Variants in MGRN1 observed in about 807,000 individuals in gnomAD.
The protein encoded by MGRN1 is mahogunin ring finger 1.
MGRN1 carries 29 observed loss-of-function variants against 69.2 expected under a neutral mutation model. That is an observed-to-expected ratio of 0.42 (90% CI 0.31 to 0.57). The LOEUF is 0.57. Among genes scored for constraint, MGRN1 ranks in the 20% least tolerant of loss-of-function variants. The pLI is 0.15. For missense variants in MGRN1, 998 were observed against 796.2 expected, an observed-to-expected ratio of 1.25 and a Z score of -3.05; for synonymous variants, 470 against 344.2, an observed-to-expected ratio of 1.37 and a Z score of -4.04.
intron 7 of MGRN1, 110 bp from the exon 8 acceptor site, chr16:4,668,155 G>C: frequency 4.5e-6 from 3 of 662,752 alleles, no homozygotes; most frequent in Non-Finnish European, 7.5e-6. Flanking sequence ...TCTTTTTCCA[G>C]CTGTGGGCAT....
At chr16:4,685,241 GCTT>G (rs2079282308) in intron 16 of MGRN1, among the ~76,000 whole-genome samples, 1 of 152,264 alleles carries the variant, frequency 6.6e-6, no homozygotes, top group African/African-American at 2.4e-5. Context: ...AAGGACCTCA[GCTT>G]CTGGGAGCCA....
At chr16:4,660,561 G>T (rs915406494) in intron 5 of MGRN1, among the ~76,000 whole-genome samples, 1 of 152,236 alleles carries the variant, frequency 6.6e-6, no homozygotes, top group Non-Finnish European at 1.5e-5. Context: ...TGCTGGCTGC[G>T]CGGATGCATT....
chr16:4,673,254 C>T (rs2078981006), intron 9 of MGRN1, among the ~76,000 whole-genome samples: 1 of 152,114 alleles, frequency 6.6e-6, no homozygotes. Flanking sequence ...AGAAAGAGAC[C>T]ATGTTCTCAT....
chr16:4,668,312 T>C lies in MGRN1; in HGVS notation c.726T>C (p.Ile242=). ...FSVKPLKQKQ[I]VDRVSYLLQE... is the part of the protein sequence containing the mutation. Reference sequence around the variant, plus strand: ...TGAAGCCTTTAAAGCAGAAGCAAATTGTAAGTCATCAGAGGAAATATGACG... The same window carrying C: ...TGAAGCCTTTAAAGCAGAAGCAAATCGTAAGTCATCAGAGGAAATATGACG... Residue 242 remains isoleucine (I), a splice_region_variant and synonymous_variant, in exon 8 of 17, where the codon ATT becomes ATC. Coordinates refer to ENST00000262370, the MANE Select transcript of MGRN1 (RefSeq NM_015246.4). The C allele has an allele frequency of 6.2e-7, 1 of 1,613,858 alleles. No individual in the cohort carries two copies. Among genetic ancestry groups the C allele is most frequent in the South Asian group, 1.1e-5 (1 of 91,080 alleles).
chr16:4,628,057 G>A lies in MGRN1; in HGVS notation c.88+3009G>A, dbSNP rs1220764734. Among the ~76,000 whole-genome samples, 91 of 139,634 alleles carry A rather than the reference G, an allele frequency of 6.5e-4. 1 individual carries two copies. Among genetic ancestry groups the A allele is most frequent in the Non-Finnish European group, 1.1e-3 (73 of 65,170 alleles). The allele number at this position is 139,634 out of a possible 152,430, so 91.6% of individuals were successfully genotyped here. On this transcript the variant is annotated intron_variant, in intron 1 of 16. Coordinates refer to ENST00000262370, the MANE Select transcript of MGRN1 (RefSeq NM_015246.4). ...ACTGCGCCACTGCACTCCAGCCTAG[G>A]TGTCAGAGTGAGACTCCGTCTCAAA...
At position 4,627,637 on chromosome 16, in the gene MGRN1, AAT is replaced by A. The variant is rs1385654991; in HGVS notation, c.88+2590_88+2591del. 1.2e-3 allele frequency among the ~76,000 whole-genome samples: 181 copies of A among 150,820 alleles called. 5 individuals are homozygous for A. The highest frequency in any genetic ancestry group is 3.4e-3 in the African/African-American group (137 of 40,734). ...CCCGTCTCTACTAAAAATACAAAAAAATTTAGCCGGGCGTGATGGCAGGCGTC... is the reference window on the plus strand; with the variant it reads ...CCCGTCTCTACTAAAAATACAAAAAATTAGCCGGGCGTGATGGCAGGCGTC... On this transcript the variant is annotated intron_variant, in intron 1 of 16. Transcript: ENST00000262370.
rs1053939201 is a variant in MGRN1 at position 4,690,422 on chromosome 16, G to C, written c.*1514G>C. The stretch of plus-strand genomic sequence containing the variant: ...GCTCAGTACCCTCCCTGAGGCTCAC[G>C]GTGGCTCCGAGCATGAGGTCCGCCT... On this transcript the variant is annotated 3_prime_UTR_variant, in exon 17 of 17. Transcript: ENST00000262370. The C allele has an allele frequency of 6.6e-6, 1 of 152,084 alleles. No individual in the cohort carries two copies. Among genetic ancestry groups the C allele is most frequent in the Non-Finnish European group, 1.5e-5 (1 of 68,020 alleles). The allele number at this position is 152,084 out of a possible 1,614,324, so 9.4% of individuals were successfully genotyped here.
intron 1 of MGRN1, among the ~76,000 whole-genome samples, chr16:4,631,400 T>C (rs765537848): frequency 3.6e-4 from 55 of 152,244 alleles, no homozygotes; most frequent in Non-Finnish European, 5.9e-4. Flanking sequence ...TTCTGTTCCA[T>C]TGATTTATGT....
intron 2 of MGRN1, 42 bp from the exon 3 acceptor site, chr16:4,651,921 C>T (rs2078416587): frequency 6.3e-7 from 1 of 1,582,326 alleles, no homozygotes; most frequent in Non-Finnish European, 8.7e-7. Context: ...TTGTTGGCTG[C>T]TCCTGAGGGA....
chr16:4,636,252 C>T (rs1317408390), intron 1 of MGRN1, among the ~76,000 whole-genome samples: 3 of 152,020 alleles, frequency 2.0e-5, no homozygotes, highest in Non-Finnish European at 4.4e-5. Context: ...CCCCTTCTTC[C>T]CTGGGAACCA....
At chr16:4,674,783 GGCGCCCGCCACC>G (rs2079020263) in intron 10 of MGRN1, among the ~76,000 whole-genome samples, 1 of 149,768 alleles carries the variant, frequency 6.7e-6, no homozygotes, top group Non-Finnish European at 1.5e-5. Context: ...TGGGATTACA[GGCGCCCGCCACC>G]GCGCCCGGCT....
At chr16:4,688,613 CA>C (rs2079388743) in intron 16 of MGRN1, 182 bp from the exon 17 acceptor site, 1 of 1,366,540 alleles carries the variant, frequency 7.3e-7, no homozygotes, top group Non-Finnish European at 9.5e-7. Flanking sequence ...GCGTATTTGG[CA>C]CAGTTAGGGA....
chr16:4,661,135 A>G (rs572351530), intron 5 of MGRN1, among the ~76,000 whole-genome samples: 4 of 139,890 alleles, frequency 2.9e-5, no homozygotes, highest in African/African-American at 1.0e-4. Context: ...TGCCACAACT[A>G]CTGGCTGATT....
chr16:4,636,218 G>A (rs1299643289), intron 1 of MGRN1, among the ~76,000 whole-genome samples: 1 of 151,670 alleles, frequency 6.6e-6, no homozygotes, highest in Non-Finnish European at 1.5e-5. Flanking sequence ...GCCCCCTATT[G>A]TCCCCTTCTG....
intron 7 of MGRN1, 26 bp downstream of exon 7, chr16:4,665,177 C>G: frequency 6.2e-7 from 1 of 1,613,906 alleles, no homozygotes; most frequent in Non-Finnish European, 8.5e-7. Context: ...CCATCACTTT[C>G]CCGGGGACCT....
intron 5 of MGRN1, chr16:4,664,471 C>T: frequency 1.7e-6 from 1 of 578,414 alleles, no homozygotes; most frequent in South Asian, 2.1e-5. Context: ...ATGTACTTTA[C>T]TCAACGCTGT....
intron 10 of MGRN1, 183 bp from the exon 11 acceptor site, chr16:4,677,280 T>G (rs543542390): frequency 4.4e-6 from 2 of 450,060 alleles, no homozygotes; most frequent in Admixed American, 3.9e-5. Context: ...CCCCCATCTT[T>G]CCTGCCTATT....
intron 13 of MGRN1, among the ~76,000 whole-genome samples, chr16:4,682,234 A>G (rs2079202125): frequency 6.6e-6 from 1 of 152,206 alleles, no homozygotes; most frequent in Non-Finnish European, 1.5e-5. Flanking sequence ...GCCCGTGACG[A>G]GCCACGGGGC....
At chr16:4,647,686 C>G (rs1441656255) in intron 1 of MGRN1, among the ~76,000 whole-genome samples, 2 of 152,224 alleles carry the variant, frequency 1.3e-5, no homozygotes, top group African/African-American at 2.4e-5. Flanking sequence ...GTGACTCGCT[C>G]CACATCGGTA....
Sources: gnomAD v4.1 joint callset for allele counts (sites outside exome capture counted in the v4.1 genomes callset) on GRCh38, gnomAD v4.1.1 for gene constraint, MANE v1.5 for transcripts, NCBI Gene and HGNC (gene_info 2026-07-23, HGNC 2026-07-21) for gene names.